NEB: variants seen among roughly 807,000 people sequenced by gnomAD.
The protein encoded by NEB is nebulin, also known as nemaline myopathy type 2.
NEB carries 512 observed loss-of-function variants against 952.2 expected under a neutral mutation model. That is an observed-to-expected ratio of 0.54 (90% CI 0.50 to 0.58). NEB has a LOEUF of 0.58. Ranked by LOEUF, NEB falls within the 20% of genes least tolerant of loss-of-function variation. NEB has a pLI of 0.00. For synonymous variants in NEB, 2,900 were observed against 3,149.8 expected (o/e 0.92, Z 2.66); for missense variants, 8,428 against 9,231.1 (o/e 0.91, Z 3.56).
intron 6 of NEB, 54 bp from the exon 7 acceptor site, chr2:151,725,015 AT>A (rs2099786166): frequency 4.4e-6 from 6 of 1,371,940 alleles, no homozygotes; most frequent in Admixed American, 3.4e-5. Context: ...ATGTGAGTAT[AT>A]TAAGGAATTT....
chr2:151,554,685 A>G (rs2095532815), intron 125 of NEB, among the ~76,000 whole-genome samples: 1 of 152,218 alleles, frequency 6.6e-6, no homozygotes, highest in African/African-American at 2.4e-5. Flanking sequence ...AAAGATTATA[A>G]TGCTGAGTTT....
At chr2:151,595,338 G>A (rs1225014251) in intron 92 of NEB, among the ~76,000 whole-genome samples, 13 of 151,850 alleles carry the variant, frequency 8.6e-5, no homozygotes, top group African/African-American at 3.1e-4. Context: ...GCAAACCTCC[G>A]CCTCCCAGGT....
intron 53 of NEB, 69 bp downstream of exon 53, chr2:151,650,505 T>G (rs2099019029): frequency 6.7e-7 from 1 of 1,491,802 alleles, no homozygotes; most frequent in South Asian, 1.3e-5. Context: ...TCTGCTTCTC[T>G]TTGACTAAAT....
intron 154 of NEB, 75 bp from the exon 155 acceptor site, chr2:151,519,144 TAGCCC>T (rs2080192126): frequency 3.3e-6 from 3 of 903,134 alleles, no homozygotes; most frequent in African/African-American, 1.8e-5. Flanking sequence ...CAAAGTGAGA[TAGCCC>T]ATCGTCAAAC....
intron 34 of NEB, among the ~76,000 whole-genome samples, chr2:151,676,496 A>T (rs2099360482): frequency 6.6e-6 from 1 of 152,174 alleles, no homozygotes; most frequent in Non-Finnish European, 1.5e-5. Flanking sequence ...AACATATTCA[A>T]CATCTCTTCT....
At chr2:151,486,347 AT>A (rs1418236954) in intron 181 of NEB, 1 of 163,516 alleles carries the variant, frequency 6.1e-6, no homozygotes, top group Non-Finnish European at 1.3e-5. Flanking sequence ...AAGACAGACA[AT>A]AACAGACATT....
Position 151,609,981 on chromosome 2 carries a change from T to C in NEB, c.12158A>G (p.Lys4053Arg). ...TGGGCTAGAGAACTTGGTTTTCCAC[T>C]TTTGGAATTCCTTCTTGTACTCCCT... ...SEREYKKEFQ[K>R]WKTKFSSPVD... Residue 4053 changes from lysine (K) to arginine (R), a missense_variant, in exon 81 of 182, where the codon AAG (lysine) becomes AGG (arginine). Physicochemically the swap from Lys to Arg is conservative, Grantham distance 26 (BLOSUM62 2). Coordinates refer to ENST00000397345, the MANE Select transcript of NEB (RefSeq NM_001164508.2). 2 of 1,613,988 alleles carry C rather than the reference T, an allele frequency of 1.2e-6. No individual in the cohort carries two copies. Among genetic ancestry groups the C allele is most frequent in the Non-Finnish European group, 1.7e-6 (2 of 1,179,882 alleles).
intron 44 of NEB, among the ~76,000 whole-genome samples, 167 bp from the exon 45 acceptor site, chr2:151,664,026 T>A (rs956190660): frequency 6.6e-6 from 1 of 152,156 alleles, no homozygotes; most frequent in African/African-American, 2.4e-5. Flanking sequence ...ACTTCATTTT[T>A]TTTTTTCCCG....
intron 24 of NEB, among the ~76,000 whole-genome samples, chr2:151,689,008 G>T (rs2099524773): frequency 1.3e-5 from 2 of 152,008 alleles, no homozygotes; most frequent in African/African-American, 4.8e-5. Flanking sequence ...TGGATAAGGG[G>T]GATTGCTGTG....
At chr2:151,565,650 T>C in intron 115 of NEB, 45 bp from the exon 116 acceptor site, 1 of 1,565,894 alleles carries the variant, frequency 6.4e-7, no homozygotes, top group East Asian at 2.3e-5. Context: ...CCACCACAGG[T>C]TATCTACCCC....
At chr2:151,512,071 C>T (rs2074916779) in intron 161 of NEB, among the ~76,000 whole-genome samples, 1 of 129,180 alleles carries the variant, frequency 7.7e-6, no homozygotes, top group Non-Finnish European at 1.5e-5. Context: ...TGCTGTGCTG[C>T]CCAGGCTGGA....
rs368136951 is a variant in NEB, at chr2:151,671,131, T to C, written c.4398A>G (p.Ala1466=). The C allele has an allele frequency of 3.1e-5, 50 of 1,613,986 alleles. No individual in the cohort carries two copies. In the African/African-American group the frequency reaches 5.3e-4, roughly 17 times the overall value. Residue 1466 remains alanine, a synonymous_variant, in exon 38 of 182, where the codon GCA becomes GCG. Coordinates refer to ENST00000397345, the MANE Select transcript of NEB (RefSeq NM_001164508.2). ...EVEKVKKAGD[A]LNERKYRQHP... The stretch of plus-strand genomic sequence containing the variant: ...GCTGTCGATACTTCCTCTCATTTAA[T>C]GCATCGCCTGCTTTCTTGACCTTCT...
intron 124 of NEB, among the ~76,000 whole-genome samples, chr2:151,559,829 T>TA (rs1402102268): frequency 6.6e-6 from 1 of 152,088 alleles, no homozygotes; most frequent in Non-Finnish European, 1.5e-5. Context: ...TTAGGAGAAA[T>TA]ACCTAATGTA....
chr2:151,643,504 G>T (rs1036987822), intron 57 of NEB, among the ~76,000 whole-genome samples, 151 bp from the exon 58 acceptor site: 4 of 151,736 alleles, frequency 2.6e-5, no homozygotes, highest in African/African-American at 9.7e-5. Context: ...CTAAATTTTT[G>T]GTATGAATTA....
Position 151,642,061 on chromosome 2 carries a change from G to A in NEB, c.8373+513C>T, listed in dbSNP as rs537047994. Among the ~76,000 whole-genome samples, 113 of 152,256 alleles carry A rather than the reference G, an allele frequency of 7.4e-4. 1 individual carries two copies. The highest frequency in any genetic ancestry group is 2.5e-3 in the Admixed American group (39 of 15,298). ...TCCCACCTATGAGTGAGAACATGCA[G>A]TGTTTGATTTTCTGTCCTTGTGACA... On this transcript the variant is annotated intron_variant, in intron 60 of 181. Coordinates refer to ENST00000397345, the MANE Select transcript of NEB (RefSeq NM_001164508.2).
intron 9 of NEB, among the ~76,000 whole-genome samples, chr2:151,722,649 T>G (rs1350236763): frequency 6.6e-6 from 1 of 152,144 alleles, no homozygotes; most frequent in Non-Finnish European, 1.5e-5. Flanking sequence ...GTTCAAGTGA[T>G]CCTCCTACCT....
At chr2:151,640,272 C>CCATATA in intron 61 of NEB, 83 bp downstream of exon 61, 1 of 1,563,370 alleles carries the variant, frequency 6.4e-7, no homozygotes, top group Non-Finnish European at 8.7e-7. Context: ...GGCTGGTGAG[C>CCATATA]TTGTGCCATA....
chr2:151,666,104 G>A lies in NEB; in HGVS notation c.5017C>T (p.Gln1673Ter). The change falls in exon 41 of 182, where the codon CAG (glutamine) becomes TAG (stop). Residue 1673 changes from glutamine (Q) to a stop codon, truncating the protein, a stop_gained. Transcript: ENST00000397345. LOFTEE classifies it high-confidence loss of function. Reference protein sequence around the residue: ...LNVEHSRNAMQIQSDNLYKSD... With the variant: ...LNVEHSRNAM ...CCAGTACATACATCACTCTGAATCT[G>A]CATGGCATTCCTGGAGTGCTCCACA... 6.2e-7 allele frequency: 1 copy of A among 1,612,472 alleles called. No homozygotes were observed. The highest frequency in any genetic ancestry group is 8.5e-7 in the Non-Finnish European group (1 of 1,178,766).
At chr2:151,617,335 G>A in intron 75 of NEB, 29 bp downstream of exon 75, 1 of 1,473,608 alleles carries the variant, frequency 6.8e-7, no homozygotes, top group Non-Finnish European at 9.3e-7. Flanking sequence ...TTGCCTTTCT[G>A]TTCATTACAA....
Sources: allele counts gnomAD v4.1 joint callset (sites outside exome capture counted in the v4.1 genomes callset), GRCh38; gene constraint gnomAD v4.1.1; transcripts MANE v1.5; gene names NCBI Gene and HGNC (gene_info 2026-07-23, HGNC 2026-07-21).